The following CRLS1 variants were observed in gnomAD, a reference collection of about 807,000 sequenced individuals.
The protein encoded by CRLS1 is cardiolipin synthase 1.
Under a neutral mutation model 37.0 loss-of-function variants are expected in CRLS1, and 24 were observed. The observed-to-expected ratio is 0.65, with a 90% CI of 0.47 to 0.91. The LOEUF (loss-of-function observed/expected upper bound fraction) is 0.91, where lower values mean the gene tolerates loss of function less well. CRLS1 is among the 40% of genes least tolerant of loss of function. The probability of loss-of-function intolerance (pLI) is 0.00; values close to 1 mark genes in which losing one functional copy is unlikely to be tolerated. For synonymous variants in CRLS1, 135 were observed against 159.7 expected, an observed-to-expected ratio of 0.85 and a Z score of 1.17; for missense variants, 373 against 395.8, an observed-to-expected ratio of 0.94 and a Z score of 0.49.
chr20:6,011,631 G>A (rs548599426), intron 2 of CRLS1, among the ~76,000 whole-genome samples: 32 of 106,830 alleles, frequency 3.0e-4, no homozygotes, highest in Middle Eastern at 7.1e-3. Context: ...TGTCGCCCAG[G>A]CTGGAGTGCA....
At chr20:6,026,396 A>C (rs1349619630) in intron 3 of CRLS1, among the ~76,000 whole-genome samples, 1 of 152,152 alleles carries the variant, frequency 6.6e-6, no homozygotes, top group African/African-American at 2.4e-5. Context: ...ATTATAGTGT[A>C]GACATAACTT....
chr20:6,019,292 T>A (rs1469494246), intron 3 of CRLS1, among the ~76,000 whole-genome samples: 1 of 151,166 alleles, frequency 6.6e-6, no homozygotes, highest in Non-Finnish European at 1.5e-5. Flanking sequence ...AGTTTTTAAG[T>A]TGTGATGTTT....
chr20:6,020,652 T>C (rs1297492601), intron 3 of CRLS1, among the ~76,000 whole-genome samples: 3 of 151,950 alleles, frequency 2.0e-5, no homozygotes, highest in African/African-American at 7.3e-5. Context: ...AGACGGAGTC[T>C]TGCTCTGTCG....
intron 3 of CRLS1, among the ~76,000 whole-genome samples, chr20:6,016,534 C>G (rs1342186318): frequency 6.6e-6 from 1 of 152,118 alleles, no homozygotes; most frequent in Non-Finnish European, 1.5e-5. Context: ...CCCACCTCGG[C>G]CTCCCAAAGT....
chr20:6,008,430 G>A (rs1245135145), intron 1 of CRLS1, among the ~76,000 whole-genome samples: 1 of 152,202 alleles, frequency 6.6e-6, no homozygotes, highest in Admixed American at 6.5e-5. Context: ...CCTCTCATGA[G>A]TCAGATTCTG....
chr20:6,006,559 A>G lies in CRLS1; in HGVS notation c.306+7A>G, dbSNP rs1446638008. ...GGCGAGCACCCCCAGCCTGGTACGT[A>G]CCGATGAGGCGGCGGCGGGCCGGCC... is the stretch of plus-strand genomic sequence containing the variant. On this transcript the variant is annotated splice_region_variant and intron_variant, in intron 1 of 6. Coordinates refer to ENST00000378863, the MANE Select transcript of CRLS1 (RefSeq NM_019095.6). 1.6e-6 allele frequency: 2 copies of G among 1,267,562 alleles called. No homozygotes were observed. The highest frequency in any genetic ancestry group is 9.9e-7 in the Non-Finnish European group (1 of 1,011,338). The allele number at this position is 1,267,562 out of a possible 1,614,324, so 78.5% of individuals were successfully genotyped here.
At chr20:6,023,807 A>G (rs1055522383) in intron 3 of CRLS1, among the ~76,000 whole-genome samples, 1 of 151,892 alleles carries the variant, frequency 6.6e-6, no homozygotes, top group Non-Finnish European at 1.5e-5. Flanking sequence ...CTATACATAC[A>G]TGCACATACC....
At chr20:6,031,706 G>GA (rs1980180857) in intron 4 of CRLS1, among the ~76,000 whole-genome samples, 1 of 152,146 alleles carries the variant, frequency 6.6e-6, no homozygotes, top group Admixed American at 6.5e-5. Context: ...CCAATGTACT[G>GA]AAAATAGAGC....
intron 3 of CRLS1, chr20:6,016,195 A>G (rs1293274149): frequency 6.6e-6 from 1 of 152,186 alleles, no homozygotes; most frequent in Non-Finnish European, 1.5e-5. Context: ...AGGGAAAAAA[A>G]AGGAAGAAAG....
chr20:6,027,572 G>A (rs1459361426), intron 3 of CRLS1, among the ~76,000 whole-genome samples: 2 of 150,736 alleles, frequency 1.3e-5, no homozygotes, highest in African/African-American at 4.9e-5. Context: ...GCACCACCAC[G>A]CCGAGCTAAT....
chr20:6,021,753 GTATTT>G (rs1398953736), intron 3 of CRLS1, among the ~76,000 whole-genome samples: 1 of 152,054 alleles, frequency 6.6e-6, no homozygotes. Context: ...TTTACTTGAA[GTATTT>G]TATTTGGCAC....
At chr20:6,007,185 G>A in intron 1 of CRLS1, 2 of 1,382,576 alleles carry the variant, frequency 1.4e-6, no homozygotes, top group South Asian at 1.6e-5. Context: ...TGTCATGTTA[G>A]CAAGACTCAT....
chr20:6,036,592 T>C (rs922751087), intron 6 of CRLS1, among the ~76,000 whole-genome samples: 2 of 152,208 alleles, frequency 1.3e-5, no homozygotes, highest in African/African-American at 4.8e-5. Context: ...AGAAAGAGCA[T>C]GTGGGCTTTA....
At position 6,006,146 on chromosome 20, in the gene CRLS1, G is replaced by C; in HGVS notation, c.-101G>C. The C allele has an allele frequency of 1.8e-6, 1 of 556,772 alleles. No individual in the cohort carries two copies. Among genetic ancestry groups the C allele is most frequent in the Non-Finnish European group, 2.6e-6 (1 of 378,850 alleles). 34.5% of individuals were successfully genotyped at this position (556,772 alleles called of 1,614,324 possible). ...GTAGTATGGAGGCAGCGGTAGCCCA[G>C]TGTCTGAGTGGTTGCCGGGTCTCCA... On this transcript the variant is annotated 5_prime_UTR_variant, in exon 1 of 7. Transcript: ENST00000378863.
intron 3 of CRLS1, among the ~76,000 whole-genome samples, chr20:6,022,928 T>G (rs1323503315): frequency 6.6e-6 from 1 of 152,176 alleles, no homozygotes; most frequent in Non-Finnish European, 1.5e-5. Flanking sequence ...CTCAGTGGGT[T>G]TTTTCTGTGT....
At chr20:6,006,745 G>A (rs556383314) in intron 1 of CRLS1, 193 bp downstream of exon 1, 1 of 985,408 alleles carries the variant, frequency 1.0e-6, no homozygotes, top group Admixed American at 6.1e-5. Context: ...TCCACCTACG[G>A]TCTCTGTGGT....
At chr20:6,015,779 G>T in intron 3 of CRLS1, 3 of 304,498 alleles carry the variant, frequency 9.9e-6, no homozygotes, top group South Asian at 3.2e-5. Context: ...GAAATTTTTT[G>T]GTGATACATT....
intron 1 of CRLS1, among the ~76,000 whole-genome samples, chr20:6,008,075 T>C (rs1369774697): frequency 6.8e-6 from 1 of 147,016 alleles, no homozygotes; most frequent in African/African-American, 2.6e-5. Flanking sequence ...ACAGACATAG[T>C]GTCTTTAGAG....
chr20:6,031,375 G>A lies in CRLS1; in HGVS notation c.660+5G>A. 3 of 1,584,902 alleles carry A rather than the reference G, an allele frequency of 1.9e-6. No homozygotes were observed. Among genetic ancestry groups the A allele is most frequent in the Non-Finnish European group, 2.6e-6 (3 of 1,163,178 alleles). ...TACCGAACTCTTCCAACACCAGTGAGTTTGTTTCCAAAAAGTATTCTTTTA... is the reference window on the plus strand; with the variant it reads ...TACCGAACTCTTCCAACACCAGTGAATTTGTTTCCAAAAAGTATTCTTTTA... On this transcript the variant is annotated splice_donor_5th_base_variant and intron_variant, in intron 4 of 6. Transcript: ENST00000378863.
Sources: gnomAD v4.1 joint callset for allele counts (sites outside exome capture counted in the v4.1 genomes callset) on GRCh38, gnomAD v4.1.1 for gene constraint, MANE v1.5 for transcripts, NCBI Gene and HGNC (gene_info 2026-07-23, HGNC 2026-07-21) for gene names.